The following XKR4 variants were observed in gnomAD, a reference collection of about 807,000 sequenced individuals.
XKR4 encodes the protein XK related 4, also known as XK-related protein 4.
A neutral mutation model predicts 53.9 loss-of-function variants in XKR4; 12 were observed. The ratio of observed to expected loss-of-function variants is 0.22; its 90% CI spans 0.14 to 0.36. The LOEUF is 0.36. Ranked by LOEUF, XKR4 falls within the 10% of genes least tolerant of loss-of-function variation. The probability of loss-of-function intolerance (pLI) is 1.00; values close to 1 mark genes in which losing one functional copy is unlikely to be tolerated. For missense variants in XKR4, 799 were observed against 859.5 expected (o/e 0.93, Z 0.88); for synonymous variants, 354 against 362.4 (o/e 0.98, Z 0.26).
At chr8:55,208,943 T>C (rs952940048) in intron 1 of XKR4, among the ~76,000 whole-genome samples, 2 of 152,192 alleles carry the variant, frequency 1.3e-5, no homozygotes, top group African/African-American at 4.8e-5. Flanking sequence ...AAAGGTTGTA[T>C]GTAGAGGATG....
Position 55,224,940 on chromosome 8 carries a change from A to T in XKR4, c.806+121646A>T, listed in dbSNP as rs541377307. On this transcript the variant is annotated intron_variant, in intron 1 of 2. Transcript: ENST00000327381. ...TTAAAAGACGTTAAGAATAAGAATTAGGTGTTTTCTGTTACTAATTAATGA... is the reference window on the plus strand; with the variant it reads ...TTAAAAGACGTTAAGAATAAGAATTTGGTGTTTTCTGTTACTAATTAATGA... Among the ~76,000 whole-genome samples, 11 of 152,328 alleles carry T rather than the reference A, an allele frequency of 7.2e-5. No individual in the cohort carries two copies. The South Asian group carries it at 2.1e-3, about 29-fold the overall frequency.
chr8:55,132,547 T>G (rs1405468491), intron 1 of XKR4, among the ~76,000 whole-genome samples: 1 of 152,200 alleles, frequency 6.6e-6, no homozygotes, highest in Non-Finnish European at 1.5e-5. Flanking sequence ...CAAAATATCT[T>G]ACTGTACTGT....
chr8:55,240,535 T>G (rs1193039548), intron 1 of XKR4, among the ~76,000 whole-genome samples: 1 of 146,908 alleles, frequency 6.8e-6, no homozygotes, highest in African/African-American at 2.4e-5. Context: ...TCAAGTGGAA[T>G]GGGAGATTAA....
intron 2 of XKR4, among the ~76,000 whole-genome samples, chr8:55,483,155 C>T (rs566671943): frequency 5.1e-4 from 77 of 152,172 alleles, no homozygotes; most frequent in Non-Finnish European, 9.6e-4. Context: ...ATTAGGAACC[C>T]GGATTCCAGA....
Position 55,102,400 on chromosome 8 carries a change from G to A in XKR4, c.-89G>A. On this transcript the variant is annotated 5_prime_UTR_variant, in exon 1 of 3. Coordinates refer to ENST00000327381, the MANE Select transcript of XKR4 (RefSeq NM_052898.2). This position sits in a 1 kb window ranked among gnomAD's most constrained non-coding sequence, Gnocchi z 5.1. ...GGGAGCCGCACCGCCTGGGAGGGAA[G>A]CCGGGGCGAGGCGAGGAGGTGGCGG... is the stretch of plus-strand genomic sequence containing the variant. 1 of 1,417,384 alleles carries A rather than the reference G, an allele frequency of 7.1e-7. No homozygotes were observed. The highest frequency in any genetic ancestry group is 9.3e-7 in the Non-Finnish European group (1 of 1,070,204). The allele number at this position is 1,417,384 out of a possible 1,614,324, so 87.8% of individuals were successfully genotyped here.
chr8:55,391,766 A>C (rs564444867), intron 2 of XKR4, among the ~76,000 whole-genome samples: 2 of 152,314 alleles, frequency 1.3e-5, no homozygotes, highest in South Asian at 4.1e-4. Context: ...TAAGCATATG[A>C]ATTTATCTAT....
chr8:55,220,671 C>A lies in XKR4; in HGVS notation c.806+117377C>A, dbSNP rs1020584510. ...AACTGCACACATTTTTGCTCTCAAACCCAGCCAGTTTGGTTTGAACTCCGA... is the reference window on the plus strand; with the variant it reads ...AACTGCACACATTTTTGCTCTCAAAACCAGCCAGTTTGGTTTGAACTCCGA... On this transcript the variant is annotated intron_variant, in intron 1 of 2. Transcript: ENST00000327381. 3.9e-5 allele frequency among the ~76,000 whole-genome samples: 6 copies of A among 152,276 alleles called. No homozygotes were observed. In the East Asian group the frequency reaches 1.2e-3, roughly 29 times the overall value.
chr8:55,489,315 A>G lies in XKR4; in HGVS notation c.1007-33966A>G, dbSNP rs182948925. Among the ~76,000 whole-genome samples, 427 of 152,256 alleles carry G rather than the reference A, an allele frequency of 2.8e-3. 4 individuals are homozygous for G. The highest frequency in any genetic ancestry group is 0.027 in the Middle Eastern group (8 of 294). ...CTTATAAACCTAATACCGCTCTAAAAAATAGTCTATTAATTTTTTAAAGAT... is the reference window on the plus strand; with the variant it reads ...CTTATAAACCTAATACCGCTCTAAAGAATAGTCTATTAATTTTTTAAAGAT... On this transcript the variant is annotated intron_variant, in intron 2 of 2. Coordinates refer to ENST00000327381, the MANE Select transcript of XKR4 (RefSeq NM_052898.2).
At chr8:55,248,524 A>G (rs544804730) in intron 1 of XKR4, among the ~76,000 whole-genome samples, 12 of 152,366 alleles carry the variant, frequency 7.9e-5, no homozygotes, top group Admixed American at 1.3e-4. Context: ...TATCAAAACA[A>G]TACGTAACAC....
chr8:55,264,197 C>T (rs1485734744), intron 1 of XKR4, among the ~76,000 whole-genome samples: 1 of 152,198 alleles, frequency 6.6e-6, no homozygotes, highest in Non-Finnish European at 1.5e-5. Context: ...ATCCCAGCTC[C>T]CTCCTCACTC....
At chr8:55,318,225 C>T (rs1431989231) in intron 1 of XKR4, among the ~76,000 whole-genome samples, 2 of 152,162 alleles carry the variant, frequency 1.3e-5, no homozygotes, top group Non-Finnish European at 2.9e-5. Flanking sequence ...TAGCCCATAT[C>T]TTCCATTTTA....
Position 55,537,204 on chromosome 8 carries a change from T to G in XKR4, c.*12977T>G, listed in dbSNP as rs577596779. Reference sequence around the variant, plus strand: ...ACAAACATGGGAATATTTAGTGATATCTTTGTAGTCATCGTTAAAATTCCT... The same window carrying G: ...ACAAACATGGGAATATTTAGTGATAGCTTTGTAGTCATCGTTAAAATTCCT... On this transcript the variant is annotated 3_prime_UTR_variant, in exon 3 of 3. Transcript: ENST00000327381. 6.6e-6 allele frequency: 1 copy of G among 152,242 alleles called. No homozygotes were observed. The highest frequency in any genetic ancestry group is 2.4e-5 in the African/African-American group (1 of 41,460). 9.4% of individuals were successfully genotyped at this position (152,242 alleles called of 1,614,324 possible). A position where few individuals can be genotyped will look rare whatever the true frequency, so the allele number is the denominator to read the frequency against.
intron 2 of XKR4, among the ~76,000 whole-genome samples, chr8:55,364,560 T>C (rs1469135922): frequency 6.6e-6 from 1 of 152,350 alleles, no homozygotes; most frequent in African/African-American, 2.4e-5. Flanking sequence ...TGTCTGAAAC[T>C]GTTTTTCTCA....
chr8:55,221,471 C>A (rs1339298541), intron 1 of XKR4, among the ~76,000 whole-genome samples: 1 of 152,140 alleles, frequency 6.6e-6, no homozygotes, highest in Non-Finnish European at 1.5e-5. Context: ...GGTTTCCTGG[C>A]CCACACACTG....
chr8:55,395,312 T>G (rs2129389184), intron 2 of XKR4, among the ~76,000 whole-genome samples: 1 of 152,080 alleles, frequency 6.6e-6, no homozygotes, highest in East Asian at 2.0e-4. Flanking sequence ...GGGCTCACGC[T>G]GCATTCCCAT....
chr8:55,371,448 T>C (rs996155646), intron 2 of XKR4, among the ~76,000 whole-genome samples: 2 of 152,164 alleles, frequency 1.3e-5, no homozygotes, highest in African/African-American at 2.4e-5. Flanking sequence ...TACCACAACC[T>C]ATTTTCCTGT....
At chr8:55,167,918 CCA>C (rs1817092139) in intron 1 of XKR4, among the ~76,000 whole-genome samples, 1 of 152,110 alleles carries the variant, frequency 6.6e-6, no homozygotes, top group African/African-American at 2.4e-5. Flanking sequence ...ATCCAGAAAA[CCA>C]CTTAAAGCAA....
At chr8:55,351,181 A>G (rs1803718755) in intron 1 of XKR4, among the ~76,000 whole-genome samples, 1 of 152,212 alleles carries the variant, frequency 6.6e-6, no homozygotes, top group Admixed American at 6.5e-5. Context: ...TATATAGTTT[A>G]CCAAAATTAA....
chr8:55,433,175 A>C (rs1387988817), intron 2 of XKR4, among the ~76,000 whole-genome samples: 1 of 152,238 alleles, frequency 6.6e-6, no homozygotes, highest in Non-Finnish European at 1.5e-5. Flanking sequence ...CAAGACCAAA[A>C]TATATCACAG....
Sources: gnomAD v4.1 joint callset for allele counts (sites outside exome capture counted in the v4.1 genomes callset) on GRCh38, gnomAD v4.1.1 for gene constraint, Gnocchi (gnomAD v3.1) non-coding constraint, MANE v1.5 for transcripts, NCBI Gene and HGNC (gene_info 2026-07-23, HGNC 2026-07-21) for gene names.